AARS1: variants seen among roughly 807,000 people sequenced by gnomAD.
The protein encoded by AARS1 is alanyl-tRNA synthetase 1, also known as alanine--tRNA ligase, cytoplasmic.
Under a neutral mutation model 108.9 loss-of-function variants are expected in AARS1, and 72 were observed. The ratio of observed to expected loss-of-function variants is 0.66; its 90% CI spans 0.55 to 0.80. AARS1 has a LOEUF of 0.80. Among genes scored for constraint, AARS1 ranks in the 30% least tolerant of loss-of-function variants. The pLI, the probability that AARS1 is intolerant of heterozygous loss-of-function variation, is 0.00. For synonymous variants in AARS1, 489 were observed against 465.7 expected (o/e 1.05, Z -0.64); for missense variants, 1,193 against 1,233.2 (o/e 0.97, Z 0.49).
At chr16:70,267,882 C>T in intron 8 of AARS1, 73 bp from the exon 9 acceptor site, 1 of 1,605,884 alleles carries the variant, frequency 6.2e-7, no homozygotes, top group Non-Finnish European at 8.5e-7. Flanking sequence ...TAAAAAAGCT[C>T]CTTAGCTGGG....
At chr16:70,282,929 A>G in intron 1 of AARS1, 145 bp from the exon 2 acceptor site, 1 of 785,432 alleles carries the variant, frequency 1.3e-6, no homozygotes, top group Non-Finnish European at 2.1e-6. Context: ...TGTAATGTCC[A>G]AGGCTAAAAT....
intron 7 of AARS1, among the ~76,000 whole-genome samples, chr16:70,268,725 C>T (rs1960323943): frequency 6.6e-6 from 1 of 152,164 alleles, no homozygotes; most frequent in Non-Finnish European, 1.5e-5. Context: ...CCTACCCTCA[C>T]CCTGCCCCTG....
intron 1 of AARS1, among the ~76,000 whole-genome samples, chr16:70,286,679 T>C (rs939886100): frequency 6.8e-6 from 1 of 147,646 alleles, no homozygotes; most frequent in Admixed American, 6.9e-5. Flanking sequence ...CTACTAAAAA[T>C]ACAACACAAC....
chr16:70,265,110 C>A lies in AARS1; in HGVS notation c.1348-8G>T. 2 of 1,613,360 alleles carry A rather than the reference C, an allele frequency of 1.2e-6. No individual in the cohort carries two copies. The highest frequency in any genetic ancestry group is 1.7e-6 in the Non-Finnish European group (2 of 1,179,706). On this transcript the variant is annotated splice_region_variant and splice_polypyrimidine_tract_variant and intron_variant, in intron 10 of 20. Transcript: ENST00000261772. ...CTTGCCCTGTGATTTCAGCTGTCAG[C>A]AAGAGAAACAAGCATAAGTTACCGT...
At chr16:70,267,946 T>C (rs780887701) in intron 8 of AARS1, 137 bp from the exon 9 acceptor site, 147 of 1,221,390 alleles carry the variant, frequency 1.2e-4, no homozygotes, top group Non-Finnish European at 1.6e-4. Context: ...GGCAGGTGGA[T>C]TGCCTGAGCT....
intron 2 of AARS1, among the ~76,000 whole-genome samples, chr16:70,278,207 C>T (rs1374410127): frequency 6.6e-6 from 1 of 151,916 alleles, no homozygotes; most frequent in African/African-American, 2.4e-5. Context: ...AAGGAGACCC[C>T]TTCTCTATTT....
intron 7 of AARS1, 50 bp downstream of exon 7, chr16:70,269,568 T>C (rs754413604): frequency 3.1e-6 from 5 of 1,609,072 alleles, no homozygotes; most frequent in South Asian, 1.1e-5. Flanking sequence ...GAGTCACACA[T>C]AGCACACGTG....
intron 12 of AARS1, chr16:70,261,395 A>C (rs1206734127): frequency 2.7e-6 from 1 of 373,468 alleles, no homozygotes; most frequent in Non-Finnish European, 5.1e-6. Context: ...CAGGAGTTCG[A>C]GACCAGCTTG....
At chr16:70,269,274 C>T (rs916718483) in intron 7 of AARS1, among the ~76,000 whole-genome samples, 4 of 130,358 alleles carry the variant, frequency 3.1e-5, no homozygotes, top group Non-Finnish European at 4.7e-5. Context: ...GAGCCAAGAT[C>T]GGGCCATTGC....
intron 1 of AARS1, among the ~76,000 whole-genome samples, chr16:70,288,739 G>T (rs1255728950): frequency 6.6e-6 from 1 of 151,640 alleles, no homozygotes; most frequent in Non-Finnish European, 1.5e-5. Context: ...GCTAATTTTT[G>T]TATTTTTAGT....
At chr16:70,272,720 C>T (rs907475148) in intron 4 of AARS1, among the ~76,000 whole-genome samples, 2 of 151,242 alleles carry the variant, frequency 1.3e-5, no homozygotes, top group Non-Finnish European at 2.9e-5. Context: ...GAGTTCGAGA[C>T]CAGCCTGGGC....
chr16:70,255,929 T>G, intron 15 of AARS1, 93 bp from the exon 16 acceptor site: 1 of 1,211,372 alleles, frequency 8.3e-7, no homozygotes, highest in South Asian at 1.3e-5. Flanking sequence ...CAGGAATGGG[T>G]TGACAGTCAG....
chr16:70,288,651 C>G (rs989825067), intron 1 of AARS1, among the ~76,000 whole-genome samples: 2 of 151,514 alleles, frequency 1.3e-5, no homozygotes, highest in Non-Finnish European at 2.9e-5. Flanking sequence ...ACTGCAACCT[C>G]CGCCTGCCGG....
At chr16:70,252,946 T>C (rs760025654) in intron 20 of AARS1, 40 bp from the exon 21 acceptor site, 3 of 1,599,136 alleles carry the variant, frequency 1.9e-6, no homozygotes, top group Admixed American at 1.7e-5. Flanking sequence ...GCACAGAAGA[T>C]GGGATTGAGG....
chr16:70,254,141 G>A (rs1396641618), intron 17 of AARS1, 103 bp from the exon 18 acceptor site: 26 of 1,513,636 alleles, frequency 1.7e-5, no homozygotes, highest in Middle Eastern at 4.0e-4. Context: ...CTAGTGTCCT[G>A]GAAAGGAAAG....
chr16:70,276,079 G>A (rs1446960365), intron 4 of AARS1: 1 of 154,804 alleles, frequency 6.5e-6, no homozygotes. Flanking sequence ...GCTGGGCATG[G>A]TGGCACACGC....
intron 1 of AARS1, among the ~76,000 whole-genome samples, chr16:70,286,596 G>C (rs1960848098): frequency 6.6e-6 from 1 of 152,132 alleles, no homozygotes; most frequent in Non-Finnish European, 1.5e-5. Context: ...CCAGTACTTT[G>C]GGAGGTCGAG....
intron 1 of AARS1, among the ~76,000 whole-genome samples, chr16:70,287,056 C>T (rs558060852): frequency 1.3e-5 from 2 of 151,734 alleles, no homozygotes; most frequent in South Asian, 2.1e-4. Flanking sequence ...TCGAGACCAT[C>T]CTGGCTAACA....
At chr16:70,269,539 CAAAG>C (rs1225271892) in intron 7 of AARS1, 75 bp downstream of exon 7, 4 of 1,592,450 alleles carry the variant, frequency 2.5e-6, no homozygotes, top group African/African-American at 1.3e-5. Context: ...ATCTCACACA[CAAAG>C]AAAAGTTTCA....
Sources: allele counts gnomAD v4.1 joint callset (sites outside exome capture counted in the v4.1 genomes callset), GRCh38; gene constraint gnomAD v4.1.1; transcripts MANE v1.5; gene names NCBI Gene and HGNC (gene_info 2026-07-23, HGNC 2026-07-21).